Variants in PHTF1 observed in about 807,000 individuals in gnomAD.
PHTF1 encodes the protein protein PHTF1.
In PHTF1, 88 loss-of-function variants were observed where a neutral mutation model predicts 102.4. The ratio of observed to expected loss-of-function variants is 0.86; its 90% confidence interval spans 0.72 to 1.03. The LOEUF (loss-of-function observed/expected upper bound fraction) is 1.03. Among genes scored for constraint, PHTF1 ranks in the 50% least tolerant of loss-of-function variants. PHTF1 has a pLI of 0.00. For missense variants in PHTF1, 814 were observed against 909.5 expected (o/e 0.89, Z 1.35); for synonymous variants, 289 against 305.2 (o/e 0.95, Z 0.55).
At chr1:113,755,926 G>A (rs527244406) in intron 3 of PHTF1, among the ~76,000 whole-genome samples, 2 of 152,040 alleles carry the variant, frequency 1.3e-5, no homozygotes, top group South Asian at 4.2e-4. Flanking sequence ...AATTAGCTGG[G>A]CATGGTGGCG....
At chr1:113,708,916 G>A (rs993035246) in intron 11 of PHTF1, among the ~76,000 whole-genome samples, 3 of 152,090 alleles carry the variant, frequency 2.0e-5, no homozygotes, top group Non-Finnish European at 4.4e-5. Flanking sequence ...CAGACTGAAT[G>A]CAAAAAATAT....
chr1:113,758,371 CTTTT>C (rs1345443776), intron 2 of PHTF1, among the ~76,000 whole-genome samples: 1 of 151,580 alleles, frequency 6.6e-6, no homozygotes, highest in Non-Finnish European at 1.5e-5. Context: ...GGTTTCATGT[CTTTT>C]TTGTTTTTAA....
chr1:113,697,735 C>A lies in PHTF1; in HGVS notation c.2269-10G>T, dbSNP rs200567921. ...ATTTAATTTTCCACAGCTAAGAGAA[C>A]AAAATCACCAAAATAAGTTAGTTCT... On this transcript the variant is annotated splice_polypyrimidine_tract_variant and intron_variant, in intron 18 of 18. Coordinates refer to ENST00000369604, the MANE Select transcript of PHTF1 (RefSeq NM_001323043.2). The A allele has an allele frequency of 9.8e-4, 1,560 of 1,596,492 alleles. 3 individuals are homozygous for A. The highest frequency in any genetic ancestry group is 1.0e-3 in the Non-Finnish European group (1,204 of 1,164,320).
rs2273757 is a variant in PHTF1 at position 113,738,159 on chromosome 1, A to G, written c.282T>C (p.Val94=). ...FPLFSNWWIQ[V]TSLRIFVWLL... ...GCCAAACAAAGATTCTTAAAGAGGT[A>G]ACCTGAATCCACCAATTGCTGAACA... Residue 94 remains valine, a synonymous_variant, in exon 5 of 19, where the codon GTT becomes GTC. Transcript: ENST00000369604. The G allele has an allele frequency of 0.01, 16,596 of 1,612,732 alleles. 311 individuals are homozygous for G. Among genetic ancestry groups the G allele is most frequent in the African/African-American group, 0.076 (5,686 of 74,976 alleles).
At position 113,712,092 on chromosome 1, in the gene PHTF1, T is replaced by C. The variant is rs1396031142; in HGVS notation, c.805A>G (p.Asn269Asp). 1 of 1,613,872 alleles carries C rather than the reference T, an allele frequency of 6.2e-7. No homozygotes were observed. The highest frequency in any genetic ancestry group is 1.3e-5 in the African/African-American group (1 of 74,964). Reference sequence around the variant, plus strand: ...CTTGACAGGTCATCAGACACCCCATTACCCAAACGCCTAAAAGCCTCCTAC... The same window carrying C: ...CTTGACAGGTCATCAGACACCCCATCACCCAAACGCCTAAAAGCCTCCTAC... Reference protein sequence around the residue: ...CRREAFRRLGNGVSDDLSSEE... With the variant: ...CRREAFRRLGDGVSDDLSSEE... Residue 269 changes from asparagine (N) to aspartate (D), a missense_variant, in exon 9 of 19, where the codon AAT becomes GAT. Coordinates refer to ENST00000369604, the MANE Select transcript of PHTF1 (RefSeq NM_001323043.2).
chr1:113,703,014 A>C (rs1649619706), intron 15 of PHTF1, among the ~76,000 whole-genome samples: 1 of 152,236 alleles, frequency 6.6e-6, no homozygotes, highest in South Asian at 2.1e-4. Flanking sequence ...AAGATGGATA[A>C]CAAAGCTAAA....
At chr1:113,742,349 C>A (rs1025064686) in intron 3 of PHTF1, among the ~76,000 whole-genome samples, 4 of 152,082 alleles carry the variant, frequency 2.6e-5, no homozygotes, top group African/African-American at 9.7e-5. Flanking sequence ...TGGGGCTGGG[C>A]GCGGTGGCTC....
chr1:113,719,401 T>C (rs2101320685), intron 7 of PHTF1, among the ~76,000 whole-genome samples: 1 of 152,318 alleles, frequency 6.6e-6, no homozygotes, highest in Middle Eastern at 3.4e-3. Flanking sequence ...CACACCCAAA[T>C]CACCTCTTTA....
intron 3 of PHTF1, among the ~76,000 whole-genome samples, chr1:113,745,561 G>A (rs1657100310): frequency 6.6e-6 from 1 of 152,192 alleles, no homozygotes; most frequent in African/African-American, 2.4e-5. Context: ...CACAGCAGGA[G>A]GTGAGGGGCA....
chr1:113,712,181 A>G, intron 8 of PHTF1, 68 bp from the exon 9 acceptor site: 1 of 1,287,320 alleles, frequency 7.8e-7, no homozygotes, highest in Non-Finnish European at 1.1e-6. Context: ...GCATGTGTAA[A>G]AACAAAAAAA....
At chr1:113,699,364 C>T (rs915756379) in intron 17 of PHTF1, 12 of 419,270 alleles carry the variant, frequency 2.9e-5, no homozygotes, top group East Asian at 6.2e-5. Flanking sequence ...CCAACATAGC[C>T]GTTGTAGTCC....
At chr1:113,709,423 A>G (rs1436639241) in intron 11 of PHTF1, among the ~76,000 whole-genome samples, 1 of 152,244 alleles carries the variant, frequency 6.6e-6, no homozygotes, top group East Asian at 1.9e-4. Flanking sequence ...CAATGTGGAA[A>G]TATTTAGCCT....
chr1:113,746,157 T>C (rs1402589654), intron 3 of PHTF1, among the ~76,000 whole-genome samples: 2 of 152,142 alleles, frequency 1.3e-5, no homozygotes, highest in Admixed American at 1.3e-4. Context: ...ACCAGATGAG[T>C]AGACAATAGG....
rs145162798 is a variant in PHTF1, at chr1:113,713,501, T to G, written c.624-63A>C. The G allele has an allele frequency of 7.2e-5, 63 of 878,526 alleles. 1 individual carries two copies. The African/African-American group carries it at 8.7e-4, about 12-fold the overall frequency. The allele number at this position is 878,526 out of a possible 1,614,324, so 54.4% of individuals were successfully genotyped here. On this transcript the variant is annotated intron_variant, in intron 7 of 18. Transcript: ENST00000369604. ...AAAGTAACACCTTTCATGAAACCAC[T>G]TTCTTTTAAGGAATACGCTATATTA... is the stretch of plus-strand genomic sequence containing the variant.
At position 113,704,125 on chromosome 1, in the gene PHTF1, C is replaced by A; in HGVS notation, c.1846G>T (p.Val616Phe). The A allele has an allele frequency of 6.2e-7, 1 of 1,613,658 alleles. No homozygotes were observed. Among genetic ancestry groups the A allele is most frequent in the Non-Finnish European group, 8.5e-7 (1 of 1,179,666 alleles). ...QRSVDVVVSS[V>F]FLLTLSIAFI... Reference sequence around the variant, plus strand: ...GCAATCGAAAGTGTCAGTAGGAAAACCGAGGATACAACCACATCAACTGAA... The same window carrying A: ...GCAATCGAAAGTGTCAGTAGGAAAAACGAGGATACAACCACATCAACTGAA... Residue 616 changes from valine to phenylalanine, a missense_variant, in exon 15 of 19, where the codon GTT (valine) becomes TTT (phenylalanine). Physicochemically the swap from Val to Phe is conservative, Grantham distance 50. Coordinates refer to ENST00000369604, the MANE Select transcript of PHTF1 (RefSeq NM_001323043.2).
At chr1:113,705,820 G>A (rs557180255) in intron 13 of PHTF1, 70 bp downstream of exon 13, 4 of 1,214,410 alleles carry the variant, frequency 3.3e-6, no homozygotes, top group Non-Finnish European at 4.7e-6. Context: ...CAAATCAAGA[G>A]AACAAAAGCA....
At chr1:113,754,449 T>G (rs80178865) in intron 3 of PHTF1, among the ~76,000 whole-genome samples, 3 of 152,296 alleles carry the variant, frequency 2.0e-5, no homozygotes, top group East Asian at 3.9e-4. Flanking sequence ...TACTTACCAT[T>G]ATGTAGGCAT....
chr1:113,710,178 A>C lies in PHTF1; in HGVS notation c.1269+76T>G. On this transcript the variant is annotated intron_variant, in intron 11 of 18. Coordinates refer to ENST00000369604, the MANE Select transcript of PHTF1 (RefSeq NM_001323043.2). The stretch of plus-strand genomic sequence containing the variant: ...TACCCTACAGGATGATTGTAAAGTT[A>C]AATGAGATGACAGAGTGCCTGACAC... The C allele has an allele frequency of 3.8e-6, 4 of 1,057,476 alleles. No homozygotes were observed. In the East Asian group the frequency reaches 9.8e-5, roughly 26 times the overall value. 65.5% of individuals were successfully genotyped at this position (1,057,476 alleles called of 1,614,324 possible). A position where few individuals can be genotyped will look rare whatever the true frequency, so the allele number is the denominator to read the frequency against.
At chr1:113,753,174 T>A (rs1658340241) in intron 3 of PHTF1, among the ~76,000 whole-genome samples, 1 of 152,254 alleles carries the variant, frequency 6.6e-6, no homozygotes, top group Non-Finnish European at 1.5e-5. Flanking sequence ...GTTTTGTTAA[T>A]ATCTTGTTAA....
Sources: gnomAD v4.1 joint callset for allele counts (sites outside exome capture counted in the v4.1 genomes callset) on GRCh38, gnomAD v4.1.1 for gene constraint, MANE v1.5 for transcripts, NCBI Gene and HGNC (gene_info 2026-07-23, HGNC 2026-07-21) for gene names.